ABI3BP: variants seen among roughly 807,000 people sequenced by gnomAD.
ABI3BP encodes the protein ABI family member 3 binding protein, also known as target of Nesh-SH3.
ABI3BP carries 216 observed loss-of-function variants against 268.6 expected under a neutral mutation model. The ratio of observed to expected loss-of-function variants is 0.80; its 90% confidence interval spans 0.72 to 0.90. The LOEUF is 0.90. Among genes scored for constraint, ABI3BP ranks in the 40% least tolerant of loss-of-function variants. ABI3BP has a pLI of 0.00. For synonymous variants in ABI3BP, 730 were observed against 730.0 expected, an observed-to-expected ratio of 1.00 and a Z score of 0.00; for missense variants, 2,090 against 2,182.4, an observed-to-expected ratio of 0.96 and a Z score of 0.84.
intron 1 of ABI3BP, among the ~76,000 whole-genome samples, chr3:100,940,015 G>A (rs374701169): frequency 9.9e-5 from 15 of 152,146 alleles, no homozygotes; most frequent in East Asian, 7.7e-4. Context: ...GCTCTGTTCC[G>A]CCCGGCTCAC....
intron 49 of ABI3BP, 92 bp from the exon 50 acceptor site, chr3:100,808,327 T>C (rs1578444722): frequency 4.5e-6 from 4 of 897,144 alleles, no homozygotes; most frequent in Non-Finnish European, 6.7e-6. Context: ...TACTGAGTGA[T>C]TGAAGACCTA....
At chr3:100,871,449 G>A (rs538591076) in intron 9 of ABI3BP, among the ~76,000 whole-genome samples, 1 of 152,212 alleles carries the variant, frequency 6.6e-6, no homozygotes. Context: ...TGGTTTGGCT[G>A]TGTCCCCACA....
chr3:100,832,746 CA>C (rs1002091437), intron 30 of ABI3BP, among the ~76,000 whole-genome samples: 1 of 141,544 alleles, frequency 7.1e-6, no homozygotes, highest in Non-Finnish European at 1.5e-5. Context: ...ATATAAAATT[CA>C]CAGAAACATC....
intron 14 of ABI3BP, among the ~76,000 whole-genome samples, chr3:100,862,024 T>A (rs1314803814): frequency 2.6e-5 from 4 of 152,258 alleles, no homozygotes; most frequent in African/African-American, 9.6e-5. Flanking sequence ...ACTGTTTTCC[T>A]GTCACTAAAG....
intron 51 of ABI3BP, among the ~76,000 whole-genome samples, chr3:100,799,295 A>G (rs928974681): frequency 6.6e-6 from 1 of 152,098 alleles, no homozygotes; most frequent in African/African-American, 2.4e-5. Context: ...CCTTCATCAT[A>G]TTCTTAGGTC....
chr3:100,859,579 A>T (rs903712308), intron 14 of ABI3BP, among the ~76,000 whole-genome samples: 1 of 145,190 alleles, frequency 6.9e-6, no homozygotes, highest in African/African-American at 2.6e-5. Flanking sequence ...ATTAGTACAC[A>T]TGTAAATTTG....
chr3:100,957,356 G>A (rs185202353), intron 1 of ABI3BP, among the ~76,000 whole-genome samples: 9 of 152,262 alleles, frequency 5.9e-5, no homozygotes, highest in Admixed American at 3.3e-4. Context: ...AAGACTACAG[G>A]ACAGGAAAAT....
intron 51 of ABI3BP, among the ~76,000 whole-genome samples, chr3:100,801,035 A>G (rs1258367822): frequency 6.6e-6 from 1 of 152,136 alleles, no homozygotes; most frequent in Non-Finnish European, 1.5e-5. Context: ...TAGAGATTAT[A>G]TCTAATTCTT....
Position 100,749,643 on chromosome 3 carries a change from T to C in ABI3BP, c.*852A>G. 2.5e-6 allele frequency: 1 copy of C among 398,524 alleles called. No homozygotes were observed. The allele number at this position is 398,524 out of a possible 1,614,324, so 24.7% of individuals were successfully genotyped here. On this transcript the variant is annotated 3_prime_UTR_variant, in exon 68 of 68. Transcript: ENST00000471714. Reference sequence around the variant, plus strand: ...ACATAGTAAATATCCTATAAAATGGTAGGCAATCTCATCGTGCATTATCTT... The same window carrying C: ...ACATAGTAAATATCCTATAAAATGGCAGGCAATCTCATCGTGCATTATCTT...
At chr3:100,882,752 G>C (rs1166509983) in intron 6 of ABI3BP, among the ~76,000 whole-genome samples, 1 of 151,994 alleles carries the variant, frequency 6.6e-6, no homozygotes, top group African/African-American at 2.4e-5. Context: ...ATCTTGCTGA[G>C]TAACTCATCC....
At chr3:100,840,489 T>A (rs1245100101) in intron 22 of ABI3BP, among the ~76,000 whole-genome samples, 1 of 152,188 alleles carries the variant, frequency 6.6e-6, no homozygotes, top group Non-Finnish European at 1.5e-5. Flanking sequence ...AAAGGTTGCT[T>A]TTATAAAGCC....
intron 63 of ABI3BP, among the ~76,000 whole-genome samples, chr3:100,757,845 C>G (rs1293648754): frequency 6.6e-6 from 1 of 152,064 alleles, no homozygotes; most frequent in African/African-American, 2.4e-5. Flanking sequence ...AAAAAATTTG[C>G]ATCTGGGGAA....
At chr3:100,910,549 A>ATTT (rs1561555112) in intron 2 of ABI3BP, among the ~76,000 whole-genome samples, 17 of 148,810 alleles carry the variant, frequency 1.1e-4, no homozygotes, top group African/African-American at 4.2e-4. Context: ...TTTTTTTTTA[A>ATTT]AAAAAAAATA....
intron 33 of ABI3BP, among the ~76,000 whole-genome samples, chr3:100,828,679 G>T (rs1008990479): frequency 1.3e-5 from 2 of 152,060 alleles, no homozygotes; most frequent in Admixed American, 6.6e-5. Context: ...TCAGATAACG[G>T]TCCATGTGAA....
intron 36 of ABI3BP, among the ~76,000 whole-genome samples, chr3:100,824,021 T>C (rs911448029): frequency 6.6e-6 from 1 of 152,168 alleles, no homozygotes; most frequent in Non-Finnish European, 1.5e-5. Flanking sequence ...GAGACCTCTG[T>C]CCAAACCATG....
At chr3:100,951,481 T>C (rs975200474) in intron 1 of ABI3BP, among the ~76,000 whole-genome samples, 2 of 152,022 alleles carry the variant, frequency 1.3e-5, no homozygotes. Flanking sequence ...GCTTAGCTGA[T>C]TCTGATATCT....
chr3:100,877,554 G>A (rs1442779796), intron 6 of ABI3BP, among the ~76,000 whole-genome samples: 1 of 152,164 alleles, frequency 6.6e-6, no homozygotes, highest in Non-Finnish European at 1.5e-5. Context: ...AAAGTAGCCT[G>A]ACCTAGGGAT....
chr3:100,958,293 G>A (rs1336487867), intron 1 of ABI3BP, among the ~76,000 whole-genome samples: 1 of 152,178 alleles, frequency 6.6e-6, no homozygotes, highest in Non-Finnish European at 1.5e-5. Context: ...GGAGAACAAA[G>A]AAGAGATAAA....
intron 1 of ABI3BP, among the ~76,000 whole-genome samples, chr3:100,929,709 C>T (rs997460540): frequency 6.6e-6 from 1 of 151,986 alleles, no homozygotes; most frequent in African/African-American, 2.4e-5. Context: ...TTGACCCTTA[C>T]AATCCTCTCA....
Sources: gnomAD v4.1 joint callset for allele counts (sites outside exome capture counted in the v4.1 genomes callset) on GRCh38, gnomAD v4.1.1 for gene constraint, MANE v1.5 for transcripts, NCBI Gene and HGNC (gene_info 2026-07-23, HGNC 2026-07-21) for gene names.